EYS: variants seen among roughly 807,000 people sequenced by gnomAD.
EYS encodes the protein EGF-like photoreceptor maintenance factor, also known as protein eyes shut homolog.
EYS carries 250 observed loss-of-function variants against 282.1 expected under a neutral mutation model. That is an observed-to-expected ratio of 0.89 (90% CI 0.80 to 0.98). The LOEUF is 0.98. Ranked by LOEUF, EYS falls within the 50% of genes least tolerant of loss-of-function variation. EYS has a pLI of 0.00. For synonymous variants in EYS, 1,355 were observed against 1,282.9 expected (o/e 1.06, Z -1.20); for missense variants, 4,016 against 3,709.0 (o/e 1.08, Z -2.15).
chr6:64,386,499 A>G (rs2150423310), intron 29 of EYS, among the ~76,000 whole-genome samples: 1 of 152,106 alleles, frequency 6.6e-6, no homozygotes, highest in African/African-American at 2.4e-5. Context: ...GAACAGAACT[A>G]CCCTCATGAT....
chr6:65,505,051 T>C (rs1356617417), intron 2 of EYS, among the ~76,000 whole-genome samples: 3 of 151,924 alleles, frequency 2.0e-5, no homozygotes, highest in Non-Finnish European at 2.9e-5. Flanking sequence ...ACTTCTTTTA[T>C]GAAAGAGTAT....
At chr6:63,745,628 G>A (rs776492723) in intron 41 of EYS, among the ~76,000 whole-genome samples, 1 of 152,116 alleles carries the variant, frequency 6.6e-6, no homozygotes, top group Non-Finnish European at 1.5e-5. Flanking sequence ...AAACACTAAG[G>A]AAATTTTAAA....
chr6:65,293,501 T>G (rs903333775), intron 12 of EYS, among the ~76,000 whole-genome samples: 1 of 151,850 alleles, frequency 6.6e-6, no homozygotes, highest in Admixed American at 6.6e-5. Context: ...CAGAGATTAG[T>G]GGTTTTCTGC....
At chr6:65,653,005 G>A (rs1767706324) in intron 1 of EYS, among the ~76,000 whole-genome samples, 1 of 151,904 alleles carries the variant, frequency 6.6e-6, no homozygotes, top group African/African-American at 2.4e-5. Flanking sequence ...ACGAAGAGGA[G>A]GTTCAACCTA....
intron 26 of EYS, among the ~76,000 whole-genome samples, chr6:64,581,333 C>T (rs753773775): frequency 2.0e-5 from 3 of 151,790 alleles, no homozygotes; most frequent in Non-Finnish European, 4.4e-5. Context: ...CACCATGGAC[C>T]GAGCTACATA....
intron 35 of EYS, among the ~76,000 whole-genome samples, chr6:63,937,190 G>T (rs1261089344): frequency 6.6e-6 from 1 of 152,010 alleles, no homozygotes; most frequent in East Asian, 1.9e-4. Context: ...TCCTCAAGTA[G>T]TGGGGAAAAC....
chr6:64,660,417 T>C (rs556491811), intron 22 of EYS, among the ~76,000 whole-genome samples: 35 of 151,816 alleles, frequency 2.3e-4, no homozygotes, highest in African/African-American at 7.2e-4. Context: ...AAATAAAGGG[T>C]ATTCAATTAG....
chr6:64,887,720 T>C (rs1179203289), intron 18 of EYS, among the ~76,000 whole-genome samples: 1 of 152,066 alleles, frequency 6.6e-6, no homozygotes, highest in Admixed American at 6.6e-5. Context: ...GCGCCAGACA[T>C]TAGTCATGTA....
intron 5 of EYS, among the ~76,000 whole-genome samples, chr6:65,428,083 C>A (rs1767732527): frequency 6.6e-6 from 1 of 152,004 alleles, no homozygotes. Context: ...GGAATGATAT[C>A]AACTACTGCT....
At chr6:63,727,651 G>A (rs1302344465) in intron 41 of EYS, among the ~76,000 whole-genome samples, 1 of 122,106 alleles carries the variant, frequency 8.2e-6, no homozygotes, top group Non-Finnish European at 1.6e-5. Context: ...CTGGAGGATT[G>A]CTTGAGCTCA....
chr6:64,157,642 C>T (rs891293075), intron 31 of EYS, among the ~76,000 whole-genome samples: 1 of 152,166 alleles, frequency 6.6e-6, no homozygotes, highest in Non-Finnish European at 1.5e-5. Flanking sequence ...CTGAAAGGGG[C>T]TAACATAGAG....
intron 36 of EYS, among the ~76,000 whole-genome samples, chr6:63,829,781 C>A (rs1024356217): frequency 5.3e-5 from 8 of 152,224 alleles, no homozygotes; most frequent in Admixed American, 1.3e-4. Context: ...GGGTCACTGA[C>A]CCCTGAGTAG....
chr6:64,403,765 C>T (rs1773615802), intron 28 of EYS, among the ~76,000 whole-genome samples: 1 of 152,128 alleles, frequency 6.6e-6, no homozygotes, highest in Non-Finnish European at 1.5e-5. Context: ...TTCCTCAGAT[C>T]AGCAAGAACA....
intron 26 of EYS, among the ~76,000 whole-genome samples, chr6:64,540,732 C>A (rs1764675373): frequency 6.6e-6 from 1 of 152,108 alleles, no homozygotes; most frequent in Admixed American, 6.6e-5. Flanking sequence ...GACCCACACG[C>A]CTCGGCCTCC....
intron 31 of EYS, among the ~76,000 whole-genome samples, chr6:64,215,599 T>C (rs1765906037): frequency 6.6e-6 from 1 of 152,102 alleles, no homozygotes. Context: ...AATACCAAGG[T>C]ATTTGCCAAA....
intron 33 of EYS, 25 bp downstream of exon 33, chr6:64,066,313 A>AACTAC: frequency 6.6e-7 from 1 of 1,525,494 alleles, no homozygotes; most frequent in Non-Finnish European, 8.8e-7. Flanking sequence ...AGCACGAAAG[A>AACTAC]ACTACCGTGG....
intron 35 of EYS, among the ~76,000 whole-genome samples, chr6:63,908,044 G>T (rs1421400368): frequency 7.1e-5 from 3 of 42,132 alleles, no homozygotes; most frequent in African/African-American, 6.3e-4. Flanking sequence ...GTTTGTGTGT[G>T]TGTGTGTGTG....
At chr6:64,068,676 G>T (rs1771465795) in intron 32 of EYS, among the ~76,000 whole-genome samples, 1 of 151,614 alleles carries the variant, frequency 6.6e-6, no homozygotes, top group Admixed American at 6.6e-5. Context: ...TATATAAAAA[G>T]AATTATTTGC....
At chr6:64,614,648 T>A (rs944359439) in intron 24 of EYS, among the ~76,000 whole-genome samples, 1 of 152,150 alleles carries the variant, frequency 6.6e-6, no homozygotes, top group Non-Finnish European at 1.5e-5. Flanking sequence ...TTAATACACC[T>A]AATCTACTGA....
Sources: allele counts gnomAD v4.1 joint callset (sites outside exome capture counted in the v4.1 genomes callset), GRCh38; gene constraint gnomAD v4.1.1; transcripts MANE v1.5; gene names NCBI Gene and HGNC (gene_info 2026-07-23, HGNC 2026-07-21).